HNRNPC: variants seen among roughly 807,000 people sequenced by gnomAD.
The protein encoded by HNRNPC is heterogeneous nuclear ribonucleoprotein C, also known as heterogeneous nuclear ribonucleoproteins C1/C2.
Under a neutral mutation model 33.2 loss-of-function variants are expected in HNRNPC, and 3 were observed. That is an observed-to-expected ratio of 0.09 (90% CI 0.04 to 0.23). HNRNPC has a LOEUF of 0.23. HNRNPC is among the 10% of genes least tolerant of loss of function. HNRNPC has a pLI of 1.00. For missense variants in HNRNPC, 143 were observed against 366.7 expected, an observed-to-expected ratio of 0.39 and a Z score of 4.98; for synonymous variants, 121 against 126.7, an observed-to-expected ratio of 0.96 and a Z score of 0.30.
At chr14:21,255,142 A>G (rs142748706) in intron 2 of HNRNPC, among the ~76,000 whole-genome samples, 1 of 152,340 alleles carries the variant, frequency 6.6e-6, no homozygotes, top group African/African-American at 2.4e-5. Context: ...TACCTATTTT[A>G]GTTAGAGGAC....
chr14:21,223,731 G>C (rs1410871480), intron 5 of HNRNPC, among the ~76,000 whole-genome samples: 1 of 152,122 alleles, frequency 6.6e-6, no homozygotes, highest in African/African-American at 2.4e-5. Flanking sequence ...CTGGGCAAGA[G>C]AGCCACATCA....
At chr14:21,245,693 TTTTTC>T (rs1326695810) in intron 2 of HNRNPC, among the ~76,000 whole-genome samples, 1 of 151,984 alleles carries the variant, frequency 6.6e-6, no homozygotes, top group Admixed American at 6.6e-5. Context: ...GTAAAACAAA[TTTTTC>T]TTTTCTTTAA....
At chr14:21,247,105 TACC>T (rs1169073088) in intron 2 of HNRNPC, among the ~76,000 whole-genome samples, 1 of 152,214 alleles carries the variant, frequency 6.6e-6, no homozygotes, top group Admixed American at 6.5e-5. Flanking sequence ...GGTGCCTTAA[TACC>T]CCTTGTGTTA....
At chr14:21,257,501 C>CT (rs1877431302) in intron 2 of HNRNPC, among the ~76,000 whole-genome samples, 1 of 151,246 alleles carries the variant, frequency 6.6e-6, no homozygotes, top group African/African-American at 2.4e-5. Context: ...CTCCGTGGTT[C>CT]TTTTTTAACC....
rs1353848835 is a variant in HNRNPC, at chr14:21,267,127, AC to A, written c.-63+2170del. Reference sequence around the variant, plus strand: ...AAAAAAAAAAAAAAAAAAAAAAAAAACAAAACTGCTTTTAATAAAACTCAAT... The same window carrying A: ...AAAAAAAAAAAAAAAAAAAAAAAAAAAAAACTGCTTTTAATAAAACTCAAT... On this transcript the variant is annotated intron_variant, in intron 1 of 8. Coordinates refer to ENST00000553300, the MANE Select transcript of HNRNPC (RefSeq NM_004500.4). 1.4e-3 allele frequency among the ~76,000 whole-genome samples: 184 copies of A among 134,356 alleles called. 1 individual carries two copies. Among genetic ancestry groups the A allele is most frequent in the African/African-American group, 4.5e-3 (160 of 35,928 alleles). The allele number at this position is 134,356 out of a possible 152,430, so 88.1% of individuals were successfully genotyped here.
intron 2 of HNRNPC, among the ~76,000 whole-genome samples, chr14:21,245,831 C>G (rs1001137747): frequency 3.9e-5 from 6 of 152,084 alleles, no homozygotes; most frequent in Non-Finnish European, 8.8e-5. Flanking sequence ...AATTTCTCAG[C>G]TCCATTATAA....
At chr14:21,239,934 A>G (rs1203461685) in intron 2 of HNRNPC, among the ~76,000 whole-genome samples, 1 of 152,166 alleles carries the variant, frequency 6.6e-6, no homozygotes, top group Non-Finnish European at 1.5e-5. Flanking sequence ...TTTCTATTAC[A>G]CACATGGACA....
intron 3 of HNRNPC, 96 bp downstream of exon 3, chr14:21,233,857 C>T (rs1894383533): frequency 1.4e-6 from 2 of 1,435,422 alleles, no homozygotes; most frequent in Non-Finnish European, 1.9e-6. Context: ...TCCAGAATAT[C>T]TCATGCTGTC....
intron 2 of HNRNPC, among the ~76,000 whole-genome samples, chr14:21,260,685 C>T (rs1431726898): frequency 1.3e-5 from 2 of 151,888 alleles, no homozygotes; most frequent in African/African-American, 4.8e-5. Context: ...AAATTTAAGG[C>T]CAGGTGCAGT....
At chr14:21,253,313 A>T (rs1412707327) in intron 2 of HNRNPC, among the ~76,000 whole-genome samples, 5 of 98,964 alleles carry the variant, frequency 5.1e-5, no homozygotes, top group Admixed American at 1.9e-4. Flanking sequence ...CATCTCTACT[A>T]AAAAAAAAAA....
chr14:21,257,217 C>T (rs1298080899), intron 2 of HNRNPC, among the ~76,000 whole-genome samples: 3 of 151,960 alleles, frequency 2.0e-5, no homozygotes, highest in East Asian at 1.9e-4. Context: ...TCTTAAGTGT[C>T]GAAATCAGCT....
chr14:21,232,622 C>T (rs1894239844), intron 3 of HNRNPC, among the ~76,000 whole-genome samples: 1 of 152,328 alleles, frequency 6.6e-6, no homozygotes, highest in East Asian at 1.9e-4. Flanking sequence ...CAACTCAAGC[C>T]TCCCAAAGTG....
chr14:21,236,739 C>T (rs1236323758), intron 2 of HNRNPC, among the ~76,000 whole-genome samples: 4 of 151,988 alleles, frequency 2.6e-5, no homozygotes, highest in African/African-American at 7.3e-5. Flanking sequence ...AAAGGGAGGA[C>T]GATACTGTAA....
chr14:21,232,808 G>C (rs963756073), intron 3 of HNRNPC, among the ~76,000 whole-genome samples: 1 of 152,186 alleles, frequency 6.6e-6, no homozygotes, highest in Non-Finnish European at 1.5e-5. Flanking sequence ...GGCCAAAGCG[G>C]GAGGATCACC....
At chr14:21,226,327 G>GAA (rs374686866) in intron 5 of HNRNPC, among the ~76,000 whole-genome samples, 26 of 110,618 alleles carry the variant, frequency 2.4e-4, no homozygotes, top group South Asian at 2.9e-4. Context: ...GTTTCCAAAA[G>GAA]AAAAAAAAAA....
At chr14:21,247,016 G>A (rs1033711644) in intron 2 of HNRNPC, among the ~76,000 whole-genome samples, 2 of 152,174 alleles carry the variant, frequency 1.3e-5, no homozygotes, top group Non-Finnish European at 2.9e-5. Flanking sequence ...CTTCTACTCA[G>A]CAGGAGCTCA....
chr14:21,246,808 A>C (rs1170369655), intron 2 of HNRNPC, among the ~76,000 whole-genome samples: 1 of 152,222 alleles, frequency 6.6e-6, no homozygotes, highest in Non-Finnish European at 1.5e-5. Context: ...AGTAAGACCA[A>C]GCCTTCATCT....
intron 5 of HNRNPC, among the ~76,000 whole-genome samples, chr14:21,219,108 C>CAAAAAAA (rs555837563): frequency 5.2e-4 from 50 of 96,360 alleles, no homozygotes; most frequent in Non-Finnish European, 6.7e-4. Context: ...GACTCTTTCT[C>CAAAAAAA]AAAAAAAAAA....
chr14:21,249,938 T>C (rs1422209647), intron 2 of HNRNPC, among the ~76,000 whole-genome samples: 1 of 152,188 alleles, frequency 6.6e-6, no homozygotes, highest in African/African-American at 2.4e-5. Context: ...TTCAGTAAGG[T>C]CAATACATCT....
Sources: allele counts gnomAD v4.1 joint callset (sites outside exome capture counted in the v4.1 genomes callset), GRCh38; gene constraint gnomAD v4.1.1; transcripts MANE v1.5; gene names NCBI Gene and HGNC (gene_info 2026-07-23, HGNC 2026-07-21).